Variants in TRUB1 observed in about 807,000 individuals in gnomAD.
TRUB1 encodes the protein TruB pseudouridine synthase family member 1, also known as pseudouridylate synthase TRUB1.
A neutral mutation model predicts 33.9 loss-of-function variants in TRUB1; 23 were observed. The ratio of observed to expected loss-of-function variants is 0.68; its 90% confidence interval spans 0.49 to 0.96. TRUB1 has a LOEUF of 0.96. Among genes scored for constraint, TRUB1 ranks in the 40% least tolerant of loss-of-function variants. The probability of loss-of-function intolerance (pLI) is 0.00; values close to 1 mark genes in which losing one functional copy is unlikely to be tolerated. For synonymous variants in TRUB1, 163 were observed against 165.4 expected (o/e 0.99, Z 0.11); for missense variants, 378 against 422.2 (o/e 0.90, Z 0.92).
At chr10:114,952,424 GA>G (rs1163928065) in intron 3 of TRUB1, among the ~76,000 whole-genome samples, 1 of 152,270 alleles carries the variant, frequency 6.6e-6, no homozygotes, top group African/African-American at 2.4e-5. Flanking sequence ...GTGGGTGACA[GA>G]GTGAGATGAC....
chr10:114,938,432 C>G lies in TRUB1; in HGVS notation c.179C>G (p.Ala60Gly), dbSNP rs1376712033. Residue 60 changes from alanine (A) to glycine (G), a missense_variant, in exon 1 of 8, where the codon GCT becomes GGT. Coordinates refer to ENST00000298746, the MANE Select transcript of TRUB1 (RefSeq NM_139169.5). The part of the protein sequence containing the change: ...TGSEARVSKA[A>G]LATKLLSLSG... ...TCCGAAGCCAGGGTCTCCAAGGCCG[C>G]TTTGGCTACCAAGCTGCTGTCCTTG... 3 of 1,596,774 alleles carry G rather than the reference C, an allele frequency of 1.9e-6. No individual in the cohort carries two copies. Among genetic ancestry groups the G allele is most frequent in the Non-Finnish European group, 2.6e-6 (3 of 1,171,686 alleles).
At chr10:114,951,003 A>C (rs2084232693) in intron 2 of TRUB1, 91 bp from the exon 3 acceptor site, 1 of 1,100,096 alleles carries the variant, frequency 9.1e-7, no homozygotes, top group African/African-American at 1.6e-5. Context: ...CACATTACCT[A>C]AGCTGGGAAA....
chr10:114,946,487 G>A (rs745959536), intron 2 of TRUB1, among the ~76,000 whole-genome samples: 14 of 151,908 alleles, frequency 9.2e-5, no homozygotes, highest in South Asian at 4.1e-4. Flanking sequence ...GATTATAGGC[G>A]ACTGCCACCA....
At chr10:114,941,826 C>T (rs943357358) in intron 1 of TRUB1, among the ~76,000 whole-genome samples, 8 of 152,008 alleles carry the variant, frequency 5.3e-5, no homozygotes, top group Non-Finnish European at 1.0e-4. Context: ...GCTCTGTCGC[C>T]CAGGCTAGAG....
chr10:114,941,575 T>G (rs1359139598), intron 1 of TRUB1, among the ~76,000 whole-genome samples: 1 of 152,078 alleles, frequency 6.6e-6, no homozygotes, highest in African/African-American at 2.4e-5. Context: ...ACTTCCAGGT[T>G]CAAGTGATCC....
At chr10:114,961,631 C>T (rs1025178393) in intron 4 of TRUB1, among the ~76,000 whole-genome samples, 5 of 152,216 alleles carry the variant, frequency 3.3e-5, no homozygotes, top group African/African-American at 9.6e-5. Flanking sequence ...AAACTAAGAA[C>T]GTTTTTCAGG....
At chr10:114,971,418 GTATT>G (rs1288350689) in intron 5 of TRUB1, among the ~76,000 whole-genome samples, 8 of 151,868 alleles carry the variant, frequency 5.3e-5, no homozygotes, top group Non-Finnish European at 8.8e-5. Context: ...TTAGAATTTA[GTATT>G]TATTTTGTAT....
At chr10:114,961,237 C>T (rs1310248685) in intron 4 of TRUB1, among the ~76,000 whole-genome samples, 1 of 151,766 alleles carries the variant, frequency 6.6e-6, no homozygotes, top group African/African-American at 2.4e-5. Flanking sequence ...TATAGTAGTC[C>T]AAGCAGAGAT....
chr10:114,950,402 G>A (rs1467396370), intron 2 of TRUB1, among the ~76,000 whole-genome samples: 2 of 152,256 alleles, frequency 1.3e-5, no homozygotes, highest in East Asian at 3.9e-4. Flanking sequence ...TATATCTGTT[G>A]ATGACAAATA....
In TRUB1 at chr10:114,959,754, A is replaced by G. The variant is rs2084277307; in HGVS notation, c.470A>G (p.Lys157Arg). Residue 157 changes from lysine to arginine, a missense_variant, in exon 4 of 8, where the codon AAA becomes AGA. Lys to Arg is a conservative substitution (Grantham distance 26). Coordinates refer to ENST00000298746, the MANE Select transcript of TRUB1 (RefSeq NM_139169.5). ...KRYTAIGELG[K>R]ATDTLDSTGR... is the part of the protein sequence containing the mutation. ...TATACTGCCATTGGAGAACTGGGGA[A>G]AGCTACTGATACACTAGATTCTACG... is the stretch of plus-strand genomic sequence containing the variant. 6.2e-7 allele frequency: 1 copy of G among 1,610,060 alleles called. No individual in the cohort carries two copies. The highest frequency in any genetic ancestry group is 8.5e-7 in the Non-Finnish European group (1 of 1,176,468).
chr10:114,955,325 A>T (rs957913001), intron 3 of TRUB1, among the ~76,000 whole-genome samples: 17 of 152,360 alleles, frequency 1.1e-4, no homozygotes, highest in African/African-American at 4.1e-4. Flanking sequence ...AGACAGAAGG[A>T]ACAGAAGAAA....
chr10:114,967,349 C>T (rs1399768426), intron 4 of TRUB1, among the ~76,000 whole-genome samples: 1 of 152,118 alleles, frequency 6.6e-6, no homozygotes, highest in Non-Finnish European at 1.5e-5. Flanking sequence ...ATAATTTTGT[C>T]CAGTTTAACA....
At chr10:114,962,988 G>A (rs2084290646) in intron 4 of TRUB1, among the ~76,000 whole-genome samples, 1 of 152,066 alleles carries the variant, frequency 6.6e-6, no homozygotes, top group Non-Finnish European at 1.5e-5. Flanking sequence ...TGCTACTATT[G>A]CCAGTGTCTC....
At position 114,975,230 on chromosome 10, in the gene TRUB1, GCA is replaced by G; in HGVS notation, c.904_905del (p.Gln302ValfsTer3). The G allele has an allele frequency of 6.2e-7, 1 of 1,613,648 alleles. No homozygotes were observed. Among genetic ancestry groups the G allele is most frequent in the Non-Finnish European group, 8.5e-7 (1 of 1,179,710 alleles). On this transcript the variant is annotated frameshift_variant, in exon 8 of 8. Transcript: ENST00000298746. LOFTEE classifies it high-confidence loss of function. Reference sequence around the variant, plus strand: ...AGACAAATGGACAATTGATGACATTGCACAGTCTCTTGAGCATTGCTCATCTC... The same window carrying G: ...AGACAAATGGACAATTGATGACATTGCAGTCTCTTGAGCATTGCTCATCTC... The part of the protein sequence containing the change: ...PEDKWTIDDI[A>X]QSLEHCSSLF...
chr10:114,962,518 A>G (rs1161842726), intron 4 of TRUB1, among the ~76,000 whole-genome samples: 1 of 152,216 alleles, frequency 6.6e-6, no homozygotes, highest in Non-Finnish European at 1.5e-5. Context: ...TTAATTTGCC[A>G]TTGACTGCAT....
chr10:114,941,659 C>T (rs2084187359), intron 1 of TRUB1, among the ~76,000 whole-genome samples: 1 of 151,852 alleles, frequency 6.6e-6, no homozygotes, highest in Non-Finnish European at 1.5e-5. Context: ...ATGTTTACAA[C>T]AGGAATATGA....
intron 4 of TRUB1, among the ~76,000 whole-genome samples, chr10:114,962,407 C>T (rs1250455540): frequency 6.6e-6 from 1 of 152,166 alleles, no homozygotes; most frequent in East Asian, 1.9e-4. Context: ...TGAGTCTAAG[C>T]CAGAGACTCA....
intron 4 of TRUB1, among the ~76,000 whole-genome samples, chr10:114,968,458 G>A (rs2084320563): frequency 6.6e-6 from 1 of 152,208 alleles, no homozygotes; most frequent in Non-Finnish European, 1.5e-5. Flanking sequence ...GTGCCAGCAT[G>A]GTGACAGCAT....
chr10:114,944,837 T>C lies in TRUB1; in HGVS notation c.385+2094T>C, dbSNP rs559346187. Among the ~76,000 whole-genome samples the C allele has an allele frequency of 2.7e-4, 41 of 152,080 alleles. No homozygotes were observed. In the South Asian group the frequency reaches 4.6e-3, roughly 17 times the overall value. ...CCATCTCTATAAAAAATTAAAAAAT[T>C]AGCTGGGTGTGGTGACACATACCTA... On this transcript the variant is annotated intron_variant, in intron 2 of 7. Coordinates refer to ENST00000298746, the MANE Select transcript of TRUB1 (RefSeq NM_139169.5).
Sources: allele counts gnomAD v4.1 joint callset (sites outside exome capture counted in the v4.1 genomes callset), GRCh38; gene constraint gnomAD v4.1.1; transcripts MANE v1.5; gene names NCBI Gene and HGNC (gene_info 2026-07-23, HGNC 2026-07-21).